Variants in SMARCC1 observed in about 807,000 individuals in gnomAD.
The protein encoded by SMARCC1 is SWI/SNF complex subunit SMARCC1.
A neutral mutation model predicts 147.4 loss-of-function variants in SMARCC1; 43 were observed. That is an observed-to-expected ratio of 0.29 (90% CI 0.23 to 0.38). SMARCC1 has a LOEUF of 0.38. SMARCC1 is among the 10% of genes least tolerant of loss of function. The pLI, the probability that SMARCC1 is intolerant of heterozygous loss-of-function variation, is 1.00. For missense variants in SMARCC1, 1,119 were observed against 1,381.1 expected (o/e 0.81, Z 3.01); for synonymous variants, 495 against 484.4 (o/e 1.02, Z -0.29).
chr3:47,621,466 T>C (rs1024054691), intron 25 of SMARCC1, among the ~76,000 whole-genome samples: 2 of 152,136 alleles, frequency 1.3e-5, no homozygotes, highest in Middle Eastern at 6.3e-3. Context: ...TATGAAATAC[T>C]ACACAGCAAT....
At position 47,626,046 on chromosome 3, in the gene SMARCC1, C is replaced by T. The variant is rs761552764; in HGVS notation, c.2647-3705G>A. Among the ~76,000 whole-genome samples, 13 of 152,100 alleles carry T rather than the reference C, an allele frequency of 8.5e-5. 1 individual carries two copies. Among genetic ancestry groups the T allele is most frequent in the Non-Finnish European group, 1.8e-4 (12 of 68,018 alleles). ...GCACATTCCTATAGTCCCAGCTACTCAGGAGGCTGAGGAGGAAGGATCACG... is the reference window on the plus strand; with the variant it reads ...GCACATTCCTATAGTCCCAGCTACTTAGGAGGCTGAGGAGGAAGGATCACG... On this transcript the variant is annotated intron_variant, in intron 24 of 27. Coordinates refer to ENST00000254480, the MANE Select transcript of SMARCC1 (RefSeq NM_003074.4).
At chr3:47,650,816 T>TA (rs35390935) in intron 21 of SMARCC1, among the ~76,000 whole-genome samples, 40,567 of 150,668 alleles carry the variant, frequency 0.27, 6,017 homozygotes, top group South Asian at 0.42. Context: ...CCTGTCTCTT[T>TA]AAAAAAAAAT....
At chr3:47,676,234 T>C (rs534052651) in intron 17 of SMARCC1, among the ~76,000 whole-genome samples, 1 of 152,348 alleles carries the variant, frequency 6.6e-6, no homozygotes, top group African/African-American at 2.4e-5. Context: ...ATATACACTT[T>C]ACAAATCTTA....
rs1383908252 is a variant in SMARCC1, at chr3:47,633,777, TATACACACACACACACAC to T, written c.2646+1395_2646+1412del. ...AAAAAAAAAAAAATATATATATATA[TATACACACACACACACAC>T]ACACACACACACACACACACACATA... On this transcript the variant is annotated intron_variant, in intron 24 of 27. Coordinates refer to ENST00000254480, the MANE Select transcript of SMARCC1 (RefSeq NM_003074.4). 2.4e-4 allele frequency among the ~76,000 whole-genome samples: 11 copies of T among 46,536 alleles called. 1 individual carries two copies. The highest frequency in any genetic ancestry group is 8.6e-4 in the African/African-American group (10 of 11,648). 30.5% of individuals were successfully genotyped at this position (46,536 alleles called of 152,430 possible). A position where few individuals can be genotyped will look rare whatever the true frequency, so the allele number is the denominator to read the frequency against.
intron 25 of SMARCC1, among the ~76,000 whole-genome samples, chr3:47,613,620 A>G (rs1025808102): frequency 1.3e-5 from 2 of 152,160 alleles, no homozygotes; most frequent in East Asian, 3.8e-4. Flanking sequence ...TCAGCCTCCT[A>G]AAGTGCACAG....
intron 5 of SMARCC1, among the ~76,000 whole-genome samples, chr3:47,735,079 T>C (rs1279938249): frequency 2.6e-5 from 4 of 151,982 alleles, no homozygotes; most frequent in African/African-American, 9.7e-5. Context: ...TTAAATCATA[T>C]ATGTAACAGA....
chr3:47,689,558 C>T, intron 12 of SMARCC1, 134 bp from the exon 13 acceptor site: 3 of 706,466 alleles, frequency 4.2e-6, no homozygotes, highest in South Asian at 3.2e-5. Context: ...AGCAAAATCA[C>T]TCTGAATAAT....
intron 19 of SMARCC1, among the ~76,000 whole-genome samples, chr3:47,666,907 G>T (rs1339261052): frequency 1.3e-5 from 2 of 152,074 alleles, no homozygotes; most frequent in Admixed American, 1.3e-4. Context: ...ATATTTCCTG[G>T]GTTTTGCATC....
Position 47,778,481 on chromosome 3 carries a change from T to G in SMARCC1, c.195+3122A>C, listed in dbSNP as rs148121054. ...GTGCATGCCACCACAACTGATGTAT[T>G]TTTTTGTTTTGTTTTGTTTTGAGAC... On this transcript the variant is annotated intron_variant, in intron 1 of 27. Coordinates refer to ENST00000254480, the MANE Select transcript of SMARCC1 (RefSeq NM_003074.4). Among the ~76,000 whole-genome samples the G allele has an allele frequency of 1.4e-3, 212 of 152,018 alleles. 1 individual carries two copies. Among genetic ancestry groups the G allele is most frequent in the African/African-American group, 4.9e-3 (205 of 41,476 alleles).
intron 19 of SMARCC1, among the ~76,000 whole-genome samples, chr3:47,663,025 G>A (rs918193209): frequency 1.4e-5 from 2 of 147,008 alleles, no homozygotes; most frequent in Admixed American, 6.9e-5. Flanking sequence ...GCAGTGAGCC[G>A]AGATTGTGCC....
At chr3:47,648,419 T>C (rs912097132) in intron 21 of SMARCC1, among the ~76,000 whole-genome samples, 1 of 152,034 alleles carries the variant, frequency 6.6e-6, no homozygotes, top group African/African-American at 2.4e-5. Flanking sequence ...CAGAGTCTTG[T>C]TCTGTCACCC....
At chr3:47,729,555 T>C (rs955280613) in intron 5 of SMARCC1, among the ~76,000 whole-genome samples, 1 of 152,134 alleles carries the variant, frequency 6.6e-6, no homozygotes, top group Non-Finnish European at 1.5e-5. Flanking sequence ...CTGGCTAATT[T>C]TTCTATTTTT....
intron 21 of SMARCC1, among the ~76,000 whole-genome samples, chr3:47,642,074 C>A (rs1221361053): frequency 1.3e-5 from 2 of 152,096 alleles, no homozygotes; most frequent in Admixed American, 6.6e-5. Context: ...GCATCCATCC[C>A]TGAAACATAT....
intron 26 of SMARCC1, among the ~76,000 whole-genome samples, chr3:47,597,028 T>C (rs1310816126): frequency 2.0e-5 from 3 of 151,698 alleles, no homozygotes; most frequent in African/African-American, 4.8e-5. Context: ...AATAAAAAAA[T>C]TAGCCAGGCG....
At chr3:47,727,868 G>A (rs1187508178) in intron 6 of SMARCC1, among the ~76,000 whole-genome samples, 1 of 151,966 alleles carries the variant, frequency 6.6e-6, no homozygotes, top group African/African-American at 2.4e-5. Context: ...TGGGATTACA[G>A]GCCTGAGCCA....
rs2032965289 is a variant in SMARCC1, at chr3:47,636,136, C to T, written c.2377G>A (p.Ala793Thr). 3 of 1,548,698 alleles carry T rather than the reference C, an allele frequency of 1.9e-6. No homozygotes were observed. The change falls in exon 23 of 28, where the codon GCA becomes ACA. Residue 793 changes from alanine to threonine, a missense_variant and splice_region_variant. Coordinates refer to ENST00000254480, the MANE Select transcript of SMARCC1 (RefSeq NM_003074.4). ...ADPDGQQPEK[A>T]ENKVENETDE... ...GTTTCATTTTCCACTTTATTTTCTG[C>T]CTGAAAGGGATATAAAACAAGAGGA...
chr3:47,713,600 T>C (rs2034117933), intron 8 of SMARCC1, among the ~76,000 whole-genome samples: 2 of 151,984 alleles, frequency 1.3e-5, no homozygotes, highest in Non-Finnish European at 2.9e-5. Context: ...TCAGATAATT[T>C]TTTTTTTTTG....
chr3:47,693,302 T>C lies in SMARCC1; in HGVS notation c.1166-2A>G. 6.5e-7 allele frequency: 1 copy of C among 1,543,414 alleles called. No homozygotes were observed. Among genetic ancestry groups the C allele is most frequent in the Non-Finnish European group, 8.9e-7 (1 of 1,118,198 alleles). ...TTTCACTATCTTTCTTTAGGTTCAC[T>C]AGAAAAAGAAAAAAAAGAGTTATGT... is the stretch of plus-strand genomic sequence containing the variant. On this transcript the variant is annotated splice_acceptor_variant, in intron 11 of 27. Transcript: ENST00000254480. LOFTEE classifies it high-confidence loss of function.
intron 22 of SMARCC1, 118 bp downstream of exon 22, chr3:47,638,607 C>G (rs2033005463): frequency 1.4e-6 from 1 of 732,476 alleles, no homozygotes. Flanking sequence ...CCAGCAAAGT[C>G]CAAGTAGCTG....
Sources: allele counts gnomAD v4.1 joint callset (sites outside exome capture counted in the v4.1 genomes callset), GRCh38; gene constraint gnomAD v4.1.1; transcripts MANE v1.5; gene names NCBI Gene and HGNC (gene_info 2026-07-23, HGNC 2026-07-21).